VWA3A: variants seen among roughly 807,000 people sequenced by gnomAD.
VWA3A encodes von Willebrand factor A domain-containing protein 3A.
A neutral mutation model predicts 160.4 loss-of-function variants in VWA3A; 134 were observed. The ratio of observed to expected loss-of-function variants is 0.84; its 90% CI spans 0.73 to 0.96. VWA3A has a LOEUF of 0.96. VWA3A is among the 40% of genes least tolerant of loss of function. The pLI is 0.00. For synonymous variants in VWA3A, 476 were observed against 543.4 expected (o/e 0.88, Z 1.72); for missense variants, 1,310 against 1,447.9 (o/e 0.90, Z 1.55).
intron 22 of VWA3A, among the ~76,000 whole-genome samples, chr16:22,139,643 C>T (rs925053424): frequency 1.3e-5 from 2 of 151,986 alleles, no homozygotes; most frequent in South Asian, 2.1e-4. Context: ...TGCAGTGAGT[C>T]GAGATCACGC....
rs146932153 is a variant in VWA3A, at chr16:22,139,587, G to A, written c.2293-567G>A. ...CGGGTGCCTGTAATCCCAGCTACTCGGGAAGCTGAGACAGGGAGAATTGCT... is the reference window on the plus strand; with the variant it reads ...CGGGTGCCTGTAATCCCAGCTACTCAGGAAGCTGAGACAGGGAGAATTGCT... On this transcript the variant is annotated intron_variant, in intron 22 of 33. Transcript: ENST00000389398. 8.0e-3 allele frequency among the ~76,000 whole-genome samples: 1,210 copies of A among 152,104 alleles called. 21 individuals carry two copies. Among genetic ancestry groups the A allele is most frequent in the African/African-American group, 0.028 (1,144 of 41,486 alleles).
chr16:22,137,498 A>G (rs995223151), intron 21 of VWA3A, among the ~76,000 whole-genome samples: 5 of 152,142 alleles, frequency 3.3e-5, no homozygotes, highest in East Asian at 3.8e-4. Flanking sequence ...TTAGATGAGA[A>G]CCTTAAGCTC....
chr16:22,118,915 G>A lies in VWA3A; in HGVS notation c.1004G>A (p.Arg335Gln), dbSNP rs183892488. ...YSPKMEHYTS[R>Q]DMDELLAEIQ... Reference sequence around the variant, plus strand: ...TGCCACCCTCAGCACTACACCAGCCGGGACATGGATGAGCTCCTGGCAGAA... The same window carrying A: ...TGCCACCCTCAGCACTACACCAGCCAGGACATGGATGAGCTCCTGGCAGAA... Residue 335 changes from arginine to glutamine, a missense_variant, in exon 12 of 34, where the codon CGG (arginine) becomes CAG (glutamine). Physicochemically the swap from Arg to Gln is conservative, Grantham distance 43 (BLOSUM62 1). Coordinates refer to ENST00000389398, the MANE Select transcript of VWA3A (RefSeq NM_173615.5). The A allele has an allele frequency of 7.8e-4, 1,265 of 1,613,854 alleles. 6 individuals are homozygous for A. The highest frequency in any genetic ancestry group is 5.8e-3 in the South Asian group (531 of 91,070).
At chr16:22,093,630 C>G (rs1901419197) in intron 1 of VWA3A, among the ~76,000 whole-genome samples, 1 of 152,174 alleles carries the variant, frequency 6.6e-6, no homozygotes, top group African/African-American at 2.4e-5. Flanking sequence ...TTGTATAGTA[C>G]TTCATATTTC....
At chr16:22,113,292 A>C (rs532388741) in intron 8 of VWA3A, among the ~76,000 whole-genome samples, 22 of 149,918 alleles carry the variant, frequency 1.5e-4, no homozygotes, top group Admixed American at 4.7e-4. Flanking sequence ...CCTGGGTTCA[A>C]GCAATCCTCC....
intron 9 of VWA3A, among the ~76,000 whole-genome samples, chr16:22,115,892 A>AGGAG: frequency 2.9e-5 from 1 of 34,980 alleles, no homozygotes; most frequent in Non-Finnish European, 4.2e-5. Context: ...GAAGGAAGGA[A>AGGAG]GGAAGGAAGG....
At chr16:22,126,042 A>G in intron 16 of VWA3A, 136 bp from the exon 17 acceptor site, 1 of 1,266,436 alleles carries the variant, frequency 7.9e-7, no homozygotes, top group Non-Finnish European at 1.1e-6. Flanking sequence ...GCCTCAAACC[A>G]CAGAGAAGAT....
chr16:22,092,795 T>C, intron 1 of VWA3A, 144 bp downstream of exon 1: 1 of 1,057,274 alleles, frequency 9.5e-7, no homozygotes, highest in South Asian at 1.7e-5. Flanking sequence ...TTGGGCTAAA[T>C]GCTGGGGTGC....
intron 30 of VWA3A, 135 bp from the exon 31 acceptor site, chr16:22,152,376 G>T (rs2046364271): frequency 8.5e-7 from 1 of 1,179,640 alleles, no homozygotes; most frequent in Non-Finnish European, 1.2e-6. Flanking sequence ...TGGTCTCCAT[G>T]GGACAAGCCA....
chr16:22,138,293 G>GTC (rs2046080350), intron 21 of VWA3A, 67 bp from the exon 22 acceptor site: 1 of 686,372 alleles, frequency 1.5e-6, no homozygotes, highest in African/African-American at 1.7e-5. Context: ...CCCTCCTGCT[G>GTC]TGTGTGTGTG....
chr16:22,137,316 G>A (rs969299242), intron 21 of VWA3A, among the ~76,000 whole-genome samples: 1 of 152,132 alleles, frequency 6.6e-6, no homozygotes, highest in African/African-American at 2.4e-5. Context: ...TAGGCAAAAG[G>A]CATTGAGTAT....
chr16:22,094,922 A>G (rs183898771), intron 1 of VWA3A, among the ~76,000 whole-genome samples: 1 of 150,720 alleles, frequency 6.6e-6, no homozygotes, highest in African/African-American at 2.4e-5. Context: ...AGCCAAGATC[A>G]TGCCACTGCA....
chr16:22,149,879 G>T lies in VWA3A; in HGVS notation c.3077G>T (p.Trp1026Leu). The change falls in exon 29 of 34, where the codon TGG (tryptophan) becomes TTG (leucine). Residue 1026 changes from tryptophan (W) to leucine (L), a missense_variant. Transcript: ENST00000389398. ...GCAGCGTGTCATGAGGCTATGCAAT[G>T]GGTGACCCACCTGCAAGCTCAGGGC... ...TDAACHEAMQ[W>L]VTHLQAQGST... 1 of 1,612,450 alleles carries T rather than the reference G, an allele frequency of 6.2e-7. No homozygotes were observed. Among genetic ancestry groups the T allele is most frequent in the Non-Finnish European group, 8.5e-7 (1 of 1,179,036 alleles).
At chr16:22,123,200 T>G in intron 15 of VWA3A, 35 bp downstream of exon 15, 1 of 1,563,126 alleles carries the variant, frequency 6.4e-7, no homozygotes, top group Non-Finnish European at 8.7e-7. Context: ...GAAAATGGGG[T>G]GCAGAAAGTG....
At position 22,149,806 on chromosome 16, in the gene VWA3A, G is replaced by T. The variant is rs954664959; in HGVS notation, c.3004G>T (p.Ala1002Ser). The change falls in exon 29 of 34, where the codon GCA becomes TCA. Residue 1002 changes from alanine to serine, a missense_variant. Ala to Ser is a moderately conservative substitution (Grantham distance 99). Coordinates refer to ENST00000389398, the MANE Select transcript of VWA3A (RefSeq NM_173615.5). Reference protein sequence around the residue: ...CCDSFNLLSFAESFQSWQDTL... With the variant: ...CCDSFNLLSFSESFQSWQDTL... ...CCCCAGTTTTAACCTGCTCAGCTTT[G>T]CAGAGAGCTTTCAGTCATGGCAGGA... 5 of 1,606,972 alleles carry T rather than the reference G, an allele frequency of 3.1e-6. No individual in the cohort carries two copies. In the Admixed American group the frequency reaches 5.0e-5, roughly 16 times the overall value.
chr16:22,103,840 C>T (rs2045443940), intron 6 of VWA3A, among the ~76,000 whole-genome samples: 1 of 152,162 alleles, frequency 6.6e-6, no homozygotes, highest in African/African-American at 2.4e-5. Context: ...TGCACAACTT[C>T]CAAATCCTGG....
intron 21 of VWA3A, 79 bp from the exon 22 acceptor site, chr16:22,138,281 G>A: frequency 6.8e-7 from 1 of 1,469,904 alleles, no homozygotes; most frequent in South Asian, 1.3e-5. Context: ...AGTGGATACA[G>A]TCCCTCCTGC....
chr16:22,122,119 TGATGGATGGATGGATG>T (rs113111289), intron 14 of VWA3A, among the ~76,000 whole-genome samples: 4,818 of 145,974 alleles, frequency 0.033, 206 homozygotes, highest in East Asian at 0.12. Context: ...AGGAAAAGAA[TGATGGATGGATGGATG>T]GATGGATGGA....
chr16:22,139,924 C>T (rs904740531), intron 22 of VWA3A, among the ~76,000 whole-genome samples: 1 of 152,178 alleles, frequency 6.6e-6, no homozygotes, highest in Non-Finnish European at 1.5e-5. Flanking sequence ...CACATGCACA[C>T]ACATACATAT....
Sources: allele counts gnomAD v4.1 joint callset (sites outside exome capture counted in the v4.1 genomes callset), GRCh38; gene constraint gnomAD v4.1.1; transcripts MANE v1.5; gene names NCBI Gene and HGNC (gene_info 2026-07-23, HGNC 2026-07-21).